The following USP34 variants were observed in gnomAD, a reference collection of about 807,000 sequenced individuals.
USP34 encodes the protein ubiquitin specific peptidase 34.
USP34 carries 70 observed loss-of-function variants against 460.3 expected under a neutral mutation model. The observed-to-expected ratio is 0.15, with a 90% CI of 0.13 to 0.19. The LOEUF (loss-of-function observed/expected upper bound fraction) is 0.19. Among genes scored for constraint, USP34 ranks in the 10% least tolerant of loss-of-function variants. The probability of loss-of-function intolerance (pLI) is 1.00; values close to 1 mark genes in which losing one functional copy is unlikely to be tolerated. For synonymous variants in USP34, 1,647 were observed against 1,405.3 expected (o/e 1.17, Z -3.85); for missense variants, 3,985 against 4,236.2 (o/e 0.94, Z 1.65).
chr2:61,236,526 T>C, intron 53 of USP34, 137 bp from the exon 54 acceptor site: 1 of 643,362 alleles, frequency 1.6e-6, no homozygotes, highest in East Asian at 2.9e-5. Flanking sequence ...TTCATTTTGA[T>C]TTTTTCCCAA....
chr2:61,248,916 AG>A (rs1316218347), intron 48 of USP34, among the ~76,000 whole-genome samples: 1 of 152,228 alleles, frequency 6.6e-6, no homozygotes, highest in Non-Finnish European at 1.5e-5. Context: ...CCTATGACAA[AG>A]CGAATTTAGA....
At chr2:61,362,083 T>G (rs1242807500) in intron 10 of USP34, among the ~76,000 whole-genome samples, 3 of 152,134 alleles carry the variant, frequency 2.0e-5, no homozygotes, top group African/African-American at 7.2e-5. Context: ...ATATCACTAA[T>G]CATCAGAGAA....
At chr2:61,425,279 CTG>C (rs927909995) in intron 1 of USP34, among the ~76,000 whole-genome samples, 3 of 152,100 alleles carry the variant, frequency 2.0e-5, no homozygotes, top group African/African-American at 7.2e-5. Context: ...CTGGTTTTAA[CTG>C]AAACACCTTC....
chr2:61,321,398 G>T (rs1390719758), intron 21 of USP34, among the ~76,000 whole-genome samples: 1 of 152,198 alleles, frequency 6.6e-6, no homozygotes, highest in Non-Finnish European at 1.5e-5. Context: ...TTGAACCTGG[G>T]AGGTGGAGGT....
intron 10 of USP34, 88 bp from the exon 11 acceptor site, chr2:61,350,781 A>G (rs1691921121): frequency 7.1e-7 from 1 of 1,400,948 alleles, no homozygotes; most frequent in African/African-American, 1.5e-5. Flanking sequence ...AAAGTCAAAA[A>G]GTTGGCCAGT....
intron 75 of USP34, among the ~76,000 whole-genome samples, chr2:61,197,010 C>T (rs1356490821): frequency 6.6e-6 from 1 of 152,172 alleles, no homozygotes; most frequent in Non-Finnish European, 1.5e-5. Context: ...CGTGGTGGCT[C>T]ACGCCTATAA....
chr2:61,383,484 C>G (rs766549266), intron 5 of USP34, 148 bp from the exon 6 acceptor site: 2 of 489,372 alleles, frequency 4.1e-6, no homozygotes, highest in Non-Finnish European at 3.7e-6. Context: ...GTGGGCAGAT[C>G]CGAAGGTCAG....
In USP34 at chr2:61,223,544, A is replaced by G. The variant is rs188459531; in HGVS notation, c.7596-248T>C. The stretch of plus-strand genomic sequence containing the variant: ...AATTAACTTACTATTTTAGTATATA[A>G]AACAGTAGGATGGGTCTTATTTTAC... On this transcript the variant is annotated intron_variant, in intron 62 of 79. Coordinates refer to ENST00000398571, the MANE Select transcript of USP34 (RefSeq NM_014709.4). 1.4e-3 allele frequency: 632 copies of G among 453,480 alleles called. 8 individuals are homozygous for G. Among genetic ancestry groups the G allele is most frequent in the Admixed American group, 1.4e-3 (34 of 24,938 alleles). 28.1% of individuals were successfully genotyped at this position (453,480 alleles called of 1,614,324 possible).
At chr2:61,254,698 G>A (rs565921434) in intron 48 of USP34, among the ~76,000 whole-genome samples, 1 of 152,352 alleles carries the variant, frequency 6.6e-6, no homozygotes, top group South Asian at 2.1e-4. Context: ...CTTCATGCCT[G>A]TAATATCAGC....
intron 67 of USP34, among the ~76,000 whole-genome samples, chr2:61,218,352 G>A (rs1026125875): frequency 6.7e-6 from 1 of 148,940 alleles, no homozygotes; most frequent in African/African-American, 2.5e-5. Flanking sequence ...TGGGCAGAGT[G>A]CCCATGCCAA....
intron 75 of USP34, among the ~76,000 whole-genome samples, chr2:61,197,001 G>A (rs922368455): frequency 1.3e-5 from 2 of 152,190 alleles, no homozygotes; most frequent in African/African-American, 2.4e-5. Flanking sequence ...TAGGCCAGGC[G>A]TGGTGGCTCA....
intron 79 of USP34, 60 bp downstream of exon 79, chr2:61,188,850 C>T: frequency 2.5e-6 from 4 of 1,595,876 alleles, no homozygotes; most frequent in Non-Finnish European, 2.6e-6. Flanking sequence ...ACCAGTTACA[C>T]CAAGTGTATT....
At chr2:61,425,217 A>C (rs1015448793) in intron 1 of USP34, among the ~76,000 whole-genome samples, 1 of 152,206 alleles carries the variant, frequency 6.6e-6, no homozygotes, top group African/African-American at 2.4e-5. Flanking sequence ...TAAGATCTAC[A>C]TAGAAAAAAC....
In USP34 at chr2:61,442,904, C is replaced by CACAT. The variant is rs758121707; in HGVS notation, c.44-22072_44-22071insATGT. 1.2e-4 allele frequency among the ~76,000 whole-genome samples: 14 copies of CACAT among 112,852 alleles called. No homozygotes were observed. In the East Asian group the frequency reaches 2.6e-3, roughly 21 times the overall value. 74.0% of individuals were successfully genotyped at this position (112,852 alleles called of 152,430 possible). On this transcript the variant is annotated intron_variant, in intron 1 of 79. Coordinates refer to ENST00000398571, the MANE Select transcript of USP34 (RefSeq NM_014709.4). ...AAACAAAATGTGATGTGTGTACACA[C>CACAT]ACACACACACACACACACACACACA...
intron 20 of USP34, among the ~76,000 whole-genome samples, chr2:61,329,352 T>C (rs1018174941): frequency 3.9e-5 from 6 of 152,072 alleles, no homozygotes; most frequent in Admixed American, 6.6e-5. Context: ...AGAGCATAAA[T>C]GTAATGTTTG....
At chr2:61,395,096 G>A in intron 4 of USP34, 87 bp downstream of exon 4, 3 of 1,444,894 alleles carry the variant, frequency 2.1e-6, no homozygotes, top group Middle Eastern at 2.0e-4. Context: ...AAACTCAAAA[G>A]ACATATATAA....
chr2:61,330,591 T>C (rs1169142545), intron 20 of USP34, among the ~76,000 whole-genome samples: 1 of 152,210 alleles, frequency 6.6e-6, no homozygotes, highest in Non-Finnish European at 1.5e-5. Flanking sequence ...ACTCCTCCTC[T>C]TCTTCATTAA....
chr2:61,380,945 A>G (rs1186753677), intron 6 of USP34, among the ~76,000 whole-genome samples: 1 of 152,226 alleles, frequency 6.6e-6, no homozygotes, highest in Non-Finnish European at 1.5e-5. Context: ...ATGTGGGAAC[A>G]AGGCTAACCT....
At chr2:61,335,192 T>A (rs560187191) in intron 18 of USP34, among the ~76,000 whole-genome samples, 1 of 152,148 alleles carries the variant, frequency 6.6e-6, no homozygotes, top group Non-Finnish European at 1.5e-5. Flanking sequence ...CTTTACAAAA[T>A]CAAATATAAA....
Sources: allele counts gnomAD v4.1 joint callset (sites outside exome capture counted in the v4.1 genomes callset), GRCh38; gene constraint gnomAD v4.1.1; transcripts MANE v1.5; gene names NCBI Gene and HGNC (gene_info 2026-07-23, HGNC 2026-07-21).